Variants in CUX1 observed in about 807,000 individuals in gnomAD.
The protein encoded by CUX1 is protein CASP.
In CUX1, 31 loss-of-function variants were observed where a neutral mutation model predicts 158.8. The observed-to-expected ratio is 0.20, with a 90% CI of 0.15 to 0.26. The LOEUF (loss-of-function observed/expected upper bound fraction) is 0.26. CUX1 is among the 10% of genes least tolerant of loss of function. The pLI, the probability that CUX1 is intolerant of heterozygous loss-of-function variation, is 1.00. For missense variants in CUX1, 1,589 were observed against 2,014.6 expected (o/e 0.79, Z 4.04); for synonymous variants, 879 against 862.1 (o/e 1.02, Z -0.34).
chr7:101,920,803 A>C (rs190611723), intron 2 of CUX1, among the ~76,000 whole-genome samples: 340 of 152,304 alleles, frequency 2.2e-3, no homozygotes, highest in African/African-American at 7.9e-3. Flanking sequence ...TGAATTAAGA[A>C]TCAATCGTGG....
chr7:102,157,326 T>TAA (rs3216523), intron 8 of CUX1, among the ~76,000 whole-genome samples: 23 of 145,148 alleles, frequency 1.6e-4, no homozygotes, highest in African/African-American at 5.5e-4. Flanking sequence ...TTGGGTATGC[T>TAA]AAAAAAAAAA....
intron 4 of CUX1, among the ~76,000 whole-genome samples, chr7:102,073,652 G>A (rs1164999348): frequency 2.6e-5 from 4 of 151,938 alleles, no homozygotes; most frequent in African/African-American, 9.7e-5. Context: ...TCTCATCAAC[G>A]TTTCCTCTTT....
chr7:102,206,481 G>A (rs1422323690), intron 20 of CUX1, among the ~76,000 whole-genome samples: 2 of 152,190 alleles, frequency 1.3e-5, no homozygotes, highest in Non-Finnish European at 2.9e-5. Flanking sequence ...CGTCTGCTTG[G>A]AAAGTTAGCC....
At chr7:101,911,087 T>C (rs1386892160) in intron 1 of CUX1, among the ~76,000 whole-genome samples, 1 of 152,288 alleles carries the variant, frequency 6.6e-6, no homozygotes, top group Non-Finnish European at 1.5e-5. Context: ...TGTGTGCACG[T>C]AGGCCTTGGT....
intron 8 of CUX1, among the ~76,000 whole-genome samples, chr7:102,136,848 C>T (rs1320339083): frequency 6.6e-6 from 1 of 152,174 alleles, no homozygotes; most frequent in South Asian, 2.1e-4. Context: ...TTAATTCCCA[C>T]GTGCTTCTGT....
intron 11 of CUX1, among the ~76,000 whole-genome samples, chr7:102,185,887 T>A (rs909790835): frequency 4.6e-5 from 7 of 152,164 alleles, no homozygotes; most frequent in African/African-American, 1.2e-4. Flanking sequence ...CCAGAGATTT[T>A]TTTCTTTCTT....
chr7:102,115,082 CTTTATTTT>C, intron 7 of CUX1, 117 bp from the exon 8 acceptor site: 1 of 784,566 alleles, frequency 1.3e-6, no homozygotes, highest in Non-Finnish European at 2.1e-6. Flanking sequence ...TGTTTTTAAT[CTTTATTTT>C]TCCACGCACC....
chr7:102,019,716 C>A (rs774075495), intron 2 of CUX1, among the ~76,000 whole-genome samples: 2 of 152,150 alleles, frequency 1.3e-5, no homozygotes, highest in Admixed American at 6.6e-5. Context: ...CCACGTACCA[C>A]GCAAAAGCCA....
intron 1 of CUX1, among the ~76,000 whole-genome samples, chr7:101,849,371 C>T (rs866110020): frequency 1.3e-5 from 2 of 151,920 alleles, no homozygotes; most frequent in Admixed American, 6.6e-5. Flanking sequence ...TTTTTCCCCC[C>T]TCTCTGTGTC....
intron 2 of CUX1, 58 bp from the exon 3 acceptor site, chr7:102,028,040 G>A (rs1364254425): frequency 1.3e-6 from 2 of 1,595,688 alleles, no homozygotes; most frequent in Non-Finnish European, 1.7e-6. Flanking sequence ...CTTAACCAAT[G>A]TTTCCCTTCT....
chr7:102,205,446 C>T (rs541589592), intron 20 of CUX1, among the ~76,000 whole-genome samples: 4 of 152,258 alleles, frequency 2.6e-5, no homozygotes, highest in African/African-American at 7.2e-5. Flanking sequence ...GGGTCTAAGT[C>T]GGAGACAGAT....
At chr7:101,830,022 C>T (rs771348195) in intron 1 of CUX1, among the ~76,000 whole-genome samples, 20 of 152,176 alleles carry the variant, frequency 1.3e-4, no homozygotes, top group Non-Finnish European at 2.4e-4. Flanking sequence ...GTGGGCGGTT[C>T]GGTGAGTGCT....
chr7:101,864,346 G>C (rs1257421329), intron 1 of CUX1, among the ~76,000 whole-genome samples: 4 of 151,804 alleles, frequency 2.6e-5, no homozygotes, highest in Non-Finnish European at 4.4e-5. Flanking sequence ...TTTTTTTGTA[G>C]AGATGGCGTC....
At position 102,189,867 on chromosome 7, in the gene CUX1, C is replaced by T; in HGVS notation, c.1072C>T (p.Leu358=). The T allele has an allele frequency of 1.2e-6, 2 of 1,614,234 alleles. No individual in the cohort carries two copies. Among genetic ancestry groups the T allele is most frequent in the Non-Finnish European group, 1.7e-6 (2 of 1,180,016 alleles). The change falls in exon 12 of 24, where the codon CTG becomes TTG. Residue 358 remains leucine, a synonymous_variant. Coordinates refer to ENST00000292535, the MANE Select transcript of CUX1 (RefSeq NM_181552.4). ...QADYEEVKKE[L]NILKSMEFAP... ...TGACTATGAAGAGGTGAAGAAAGAG[C>T]TGAAGTAAGTACGGAGAGCCCTGTG...
chr7:102,024,311 G>C (rs1322538357), intron 2 of CUX1, among the ~76,000 whole-genome samples: 2 of 152,012 alleles, frequency 1.3e-5, no homozygotes, highest in Non-Finnish European at 2.9e-5. Context: ...CTCTGAATCT[G>C]AGCCCTTGTT....
intron 23 of CUX1, among the ~76,000 whole-genome samples, chr7:102,247,951 T>C (rs1005742814): frequency 6.6e-6 from 1 of 152,124 alleles, no homozygotes; most frequent in Non-Finnish European, 1.5e-5. Context: ...GCCAACATGG[T>C]GAAACCCCAT....
intron 20 of CUX1, among the ~76,000 whole-genome samples, chr7:102,227,068 C>T (rs1231532739): frequency 6.6e-6 from 1 of 152,102 alleles, no homozygotes; most frequent in South Asian, 2.1e-4. Flanking sequence ...GAAATGACAG[C>T]GATAACATGA....
At chr7:101,984,816 G>A (rs1382731461) in intron 2 of CUX1, among the ~76,000 whole-genome samples, 3 of 152,128 alleles carry the variant, frequency 2.0e-5, no homozygotes, top group Non-Finnish European at 4.4e-5. Context: ...GAATACGAGG[G>A]CATGGCAAAC....
chr7:102,094,497 CAT>C (rs1828979006), intron 4 of CUX1, among the ~76,000 whole-genome samples: 1 of 152,204 alleles, frequency 6.6e-6, no homozygotes, highest in Non-Finnish European at 1.5e-5. Context: ...GTGTCATTTT[CAT>C]ATGTCACCGG....
Sources: allele counts gnomAD v4.1 joint callset (sites outside exome capture counted in the v4.1 genomes callset), GRCh38; gene constraint gnomAD v4.1.1; transcripts MANE v1.5; gene names NCBI Gene and HGNC (gene_info 2026-07-23, HGNC 2026-07-21).